Variants in MAP3K21 observed in about 807,000 individuals in gnomAD.
MAP3K21 encodes mitogen-activated protein kinase kinase kinase MLK4.
In MAP3K21, 63 loss-of-function variants were observed where a neutral mutation model predicts 86.1. The observed-to-expected ratio is 0.73, with a 90% confidence interval of 0.60 to 0.90. The LOEUF is 0.90. Ranked by LOEUF, MAP3K21 falls within the 40% of genes least tolerant of loss-of-function variation. MAP3K21 has a pLI of 0.00. For missense variants in MAP3K21, 1,220 were observed against 1,367.7 expected, an observed-to-expected ratio of 0.89 and a Z score of 1.70; for synonymous variants, 558 against 564.8, an observed-to-expected ratio of 0.99 and a Z score of 0.17.
intron 1 of MAP3K21, among the ~76,000 whole-genome samples, chr1:233,340,391 G>A (rs1412299507): frequency 1.3e-5 from 2 of 152,148 alleles, no homozygotes; most frequent in Admixed American, 1.3e-4. Flanking sequence ...AGGGCAGTGG[G>A]GAGACAGAAA....
chr1:233,332,175 C>G (rs1397828201), intron 1 of MAP3K21, among the ~76,000 whole-genome samples: 2 of 152,142 alleles, frequency 1.3e-5, no homozygotes, highest in African/African-American at 4.8e-5. Flanking sequence ...ACTGGCAAGC[C>G]AGACATCAAT....
chr1:233,328,623 G>C lies in MAP3K21; in HGVS notation c.595G>C (p.Val199Leu). The change falls in exon 1 of 10, where the codon GTG becomes CTG. Residue 199 changes from valine (V) to leucine (L), a missense_variant. Around this residue, in one of 5 missense-constraint regions of MAP3K21, gnomAD observed 369 missense variants for 385.3 expected, o/e 0.96. Coordinates refer to ENST00000366624, the MANE Select transcript of MAP3K21 (RefSeq NM_032435.3). The surrounding 1 kb of genome is among the most constrained non-coding windows in gnomAD (Gnocchi z 8.7). Reference sequence around the variant, plus strand: ...CCTGCAGCAGCCGCACCTCTGCCTGGTGCTGGAGTTCGCCCGCGGCGGAGC... The same window carrying C: ...CCTGCAGCAGCCGCACCTCTGCCTGCTGCTGGAGTTCGCCCGCGGCGGAGC... ...VCLQQPHLCL[V>L]LEFARGGALN... 6.8e-7 allele frequency: 1 copy of C among 1,469,970 alleles called. No individual in the cohort carries two copies. Among genetic ancestry groups the C allele is most frequent in the South Asian group, 1.3e-5 (1 of 75,522 alleles). The allele number at this position is 1,469,970 out of a possible 1,614,324, so 91.1% of individuals were successfully genotyped here.
chr1:233,351,039 T>A (rs894488135), intron 2 of MAP3K21, among the ~76,000 whole-genome samples: 3 of 152,128 alleles, frequency 2.0e-5, no homozygotes, highest in Non-Finnish European at 2.9e-5. Flanking sequence ...GCTATTTTTT[T>A]AAGTTTTGTT....
In MAP3K21 at chr1:233,328,139, G is replaced by T; in HGVS notation, c.111G>T (p.Ser37=). ...SSSTSSGGSA[S]AGAGLWAALY... ...CCACCTCCTCGGGCGGCTCGGCCTC[G>T]GCGGGCGCGGGGCTGTGGGCCGCGC... Residue 37 remains serine, a synonymous_variant, in exon 1 of 10, where the codon TCG becomes TCT. Transcript: ENST00000366624. The surrounding 1 kb of genome is among the most constrained non-coding windows in gnomAD (Gnocchi z 8.7). 1 of 1,424,094 alleles carries T rather than the reference G, an allele frequency of 7.0e-7. No homozygotes were observed. The highest frequency in any genetic ancestry group is 1.4e-5 in the South Asian group (1 of 69,538). The allele number at this position is 1,424,094 out of a possible 1,614,324, so 88.2% of individuals were successfully genotyped here.
At chr1:233,367,973 G>A (rs1053821063) in intron 5 of MAP3K21, among the ~76,000 whole-genome samples, 1 of 152,196 alleles carries the variant, frequency 6.6e-6, no homozygotes, top group Non-Finnish European at 1.5e-5. Flanking sequence ...CTTAGGTGTT[G>A]TTAAAATGCA....
At chr1:233,371,472 T>C (rs1663677937) in intron 5 of MAP3K21, among the ~76,000 whole-genome samples, 1 of 152,212 alleles carries the variant, frequency 6.6e-6, no homozygotes, top group African/African-American at 2.4e-5. Flanking sequence ...GTGATTCTCC[T>C]GTCTCAGCCT....
At chr1:233,339,195 TTTCTTCTTCTTCTTCTTCTTCTTC>T (rs71173272) in intron 1 of MAP3K21, among the ~76,000 whole-genome samples, 10 of 115,370 alleles carry the variant, frequency 8.7e-5, no homozygotes, top group South Asian at 2.8e-4. Flanking sequence ...AAAACAATCA[TTTCTTCTTCTTCTTCTTCTTCTTC>T]TTCTTCTTCT....
intron 1 of MAP3K21, among the ~76,000 whole-genome samples, chr1:233,339,308 T>TCTTCTTC (rs1662983286): frequency 7.1e-6 from 1 of 140,510 alleles, no homozygotes; most frequent in South Asian, 2.3e-4. Context: ...TTCTTCCTCT[T>TCTTCTTC]CTTCTTCCTC....
rs566888445 is a variant in MAP3K21, at chr1:233,358,858, G to A, written c.1312-3195G>A. On this transcript the variant is annotated intron_variant, in intron 4 of 9. Transcript: ENST00000366624. ...AGAGTCTCACTCTGTTACCCAGGTT[G>A]CAGTGCAGTGGTGTGGTCTCGGCTC... 2.4e-3 allele frequency among the ~76,000 whole-genome samples: 363 copies of A among 152,232 alleles called. 3 individuals are homozygous for A. The highest frequency in any genetic ancestry group is 8.2e-3 in the African/African-American group (339 of 41,540).
intron 1 of MAP3K21, among the ~76,000 whole-genome samples, chr1:233,341,681 AGACTTTCTTT>A (rs1047463082): frequency 3.9e-5 from 6 of 152,176 alleles, no homozygotes; most frequent in Non-Finnish European, 7.4e-5. Flanking sequence ...TATTTAGAGC[AGACTTTCTTT>A]GACCTTTGCA....
In MAP3K21 at chr1:233,382,625, A is replaced by T; in HGVS notation, c.3025A>T (p.Arg1009Trp). 6.2e-7 allele frequency: 1 copy of T among 1,614,190 alleles called. No homozygotes were observed. The highest frequency in any genetic ancestry group is 1.1e-5 in the South Asian group (1 of 91,088). ...GGATGCTGACGTGGAAGGTCAGAGC[A>T]GGGACTACACTGTGCCACTGTGCAG... Reference protein sequence around the residue: ...LLDADVEGQSRDYTVPLCRMR... With the variant: ...LLDADVEGQSWDYTVPLCRMR... Residue 1009 changes from arginine to tryptophan, a missense_variant, in exon 10 of 10, where the codon AGG (arginine) becomes TGG (tryptophan). This residue lies in a region of MAP3K21 where 632 missense variants were observed against 691.3 expected (regional missense o/e 0.91). Transcript: ENST00000366624.
Position 233,328,586 on chromosome 1 carries a change from G to T in MAP3K21, c.558G>T (p.Leu186=). 3 of 1,521,194 alleles carry T rather than the reference G, an allele frequency of 2.0e-6. No individual in the cohort carries two copies. Among genetic ancestry groups the T allele is most frequent in the South Asian group, 2.4e-5 (2 of 82,650 alleles). 94.2% of individuals were successfully genotyped at this position (1,521,194 alleles called of 1,614,324 possible). A position where few individuals can be genotyped will look rare whatever the true frequency, so the allele number is the denominator to read the frequency against. Residue 186 remains leucine, a synonymous_variant, in exon 1 of 10, where the codon CTG becomes CTT. Coordinates refer to ENST00000366624, the MANE Select transcript of MAP3K21 (RefSeq NM_032435.3). The surrounding 1 kb of genome is among the most constrained non-coding windows in gnomAD (Gnocchi z 8.7). The stretch of plus-strand genomic sequence containing the variant: ...TGCGGCACCCCAACATCATCGAGCT[G>T]CGCGGCGTGTGCCTGCAGCAGCCGC... ...AMLRHPNIIE[L]RGVCLQQPHL...
rs1370724068 is a variant in MAP3K21 at position 233,328,556 on chromosome 1, C to T, written c.528C>T (p.Ala176=). The change falls in exon 1 of 10, where the codon GCC becomes GCT. Residue 176 remains alanine, a synonymous_variant. Coordinates refer to ENST00000366624, the MANE Select transcript of MAP3K21 (RefSeq NM_032435.3). The surrounding 1 kb of genome is among the most constrained non-coding windows in gnomAD (Gnocchi z 8.7). ...TGCGGCGCGAGGCTCGGCTCTTCGC[C>T]ATGCTGCGGCACCCCAACATCATCG... ...ESVRREARLF[A]MLRHPNIIEL... is the part of the protein sequence containing the mutation. The T allele has an allele frequency of 6.5e-7, 1 of 1,533,510 alleles. No individual in the cohort carries two copies. The highest frequency in any genetic ancestry group is 1.9e-5 in the Admixed American group (1 of 51,730). 95.0% of individuals were successfully genotyped at this position (1,533,510 alleles called of 1,614,324 possible). A position where few individuals can be genotyped will look rare whatever the true frequency, so the allele number is the denominator to read the frequency against.
chr1:233,358,398 G>T (rs1326778977), intron 4 of MAP3K21, among the ~76,000 whole-genome samples: 1 of 151,166 alleles, frequency 6.6e-6, no homozygotes. Flanking sequence ...TACTACCAGT[G>T]ATATCATTGA....
In MAP3K21 at chr1:233,328,129, G is replaced by T; in HGVS notation, c.101G>T (p.Gly34Val). The change falls in exon 1 of 10, where the codon GGC (glycine) becomes GTC (valine). Residue 34 changes from glycine to valine, a missense_variant. This residue lies in a region of MAP3K21 where 369 missense variants were observed against 385.3 expected (regional missense o/e 0.96). Coordinates refer to ENST00000366624, the MANE Select transcript of MAP3K21 (RefSeq NM_032435.3). This position sits in a 1 kb window ranked among gnomAD's most constrained non-coding sequence, Gnocchi z 8.7. ...SASSSSTSSG[G>V]SASAGAGLWA... ...TCCTCGTCGTCCACCTCCTCGGGCG[G>T]CTCGGCCTCGGCGGGCGCGGGGCTG... 1.4e-6 allele frequency: 2 copies of T among 1,413,728 alleles called. No homozygotes were observed. Among genetic ancestry groups the T allele is most frequent in the Middle Eastern group, 2.5e-4 (1 of 3,992 alleles). 87.6% of individuals were successfully genotyped at this position (1,413,728 alleles called of 1,614,324 possible). A position where few individuals can be genotyped will look rare whatever the true frequency, so the allele number is the denominator to read the frequency against.
rs148604151 is a variant in MAP3K21, at chr1:233,372,119, C to T, written c.1634C>T (p.Pro545Leu). 306 of 1,614,120 alleles carry T rather than the reference C, an allele frequency of 1.9e-4. 6 individuals are homozygous for T. In the South Asian group the frequency reaches 2.8e-3, roughly 15 times the overall value. Residue 545 changes from proline (P) to leucine (L), a missense_variant, in exon 6 of 10, where the codon CCG becomes CTG. By Grantham distance (98) the Pro-to-Leu change is moderately conservative. Around this residue, in one of 5 missense-constraint regions of MAP3K21, gnomAD observed 632 missense variants for 691.3 expected, o/e 0.91. Transcript: ENST00000366624. ...RSLNSSSSSP[P>L]SSPTMMPRLR... Reference sequence around the variant, plus strand: ...CTGAACAGCAGCAGTTCCAGTCCCCCGAGCAGCCCCACAATGATGCCCCGA... The same window carrying T: ...CTGAACAGCAGCAGTTCCAGTCCCCTGAGCAGCCCCACAATGATGCCCCGA...
intron 5 of MAP3K21, 129 bp downstream of exon 5, chr1:233,362,422 T>C: frequency 2.1e-6 from 2 of 964,190 alleles, no homozygotes; most frequent in Non-Finnish European, 3.1e-6. Context: ...ATGAGTATCT[T>C]CAGCTGTAGG....
intron 4 of MAP3K21, among the ~76,000 whole-genome samples, chr1:233,359,798 G>T (rs1663432389): frequency 6.6e-6 from 1 of 152,190 alleles, no homozygotes; most frequent in Non-Finnish European, 1.5e-5. Context: ...TCAACCGAAA[G>T]AATGTTTTTG....
chr1:233,362,320 A>G, intron 5 of MAP3K21, 27 bp downstream of exon 5: 3 of 1,608,614 alleles, frequency 1.9e-6, no homozygotes, highest in Non-Finnish European at 2.5e-6. Context: ...ATGTTTTTGA[A>G]AGATTTTTGT....
Sources: allele counts gnomAD v4.1 joint callset (sites outside exome capture counted in the v4.1 genomes callset), GRCh38; gene constraint gnomAD v4.1.1; regional missense constraint gnomAD v4.1.1; non-coding constraint Gnocchi (gnomAD v3.1); transcripts MANE v1.5; gene names NCBI Gene and HGNC (gene_info 2026-07-23, HGNC 2026-07-21).